The following PRDM16 variants were observed in gnomAD, a reference collection of about 807,000 sequenced individuals.
PRDM16 encodes PR/SET domain 16.
PRDM16 carries 23 observed loss-of-function variants against 110.6 expected under a neutral mutation model. That is an observed-to-expected ratio of 0.21 (90% CI 0.15 to 0.29). PRDM16 has a LOEUF of 0.29. PRDM16 is among the 10% of genes least tolerant of loss of function. The pLI is 1.00. For synonymous variants in PRDM16, 799 were observed against 781.8 expected, an observed-to-expected ratio of 1.02 and a Z score of -0.37; for missense variants, 1,615 against 1,794.3, an observed-to-expected ratio of 0.90 and a Z score of 1.81.
chr1:3,282,243 A>C (rs1210561165), intron 3 of PRDM16, among the ~76,000 whole-genome samples: 1 of 152,188 alleles, frequency 6.6e-6, no homozygotes, highest in Admixed American at 6.5e-5. Context: ...ACGTTTCCCC[A>C]GAGAGGTCAG....
At chr1:3,414,902 C>T (rs1643754680) in intron 10 of PRDM16, among the ~76,000 whole-genome samples, 1 of 152,174 alleles carries the variant, frequency 6.6e-6, no homozygotes, top group Non-Finnish European at 1.5e-5. Flanking sequence ...CTCTGGGCTC[C>T]AGGAGGGAGA....
At chr1:3,221,113 A>T (rs1234728051) in intron 2 of PRDM16, among the ~76,000 whole-genome samples, 1 of 152,180 alleles carries the variant, frequency 6.6e-6, no homozygotes, top group Non-Finnish European at 1.5e-5. Context: ...GGCCATGCCG[A>T]CACTGGCTTA....
chr1:3,125,969 G>A (rs1421912883), intron 1 of PRDM16, among the ~76,000 whole-genome samples: 1 of 152,242 alleles, frequency 6.6e-6, no homozygotes, highest in Non-Finnish European at 1.5e-5. Context: ...ATTAGCAAGA[G>A]GAATTAGCGT....
At chr1:3,137,257 C>T (rs374882326) in intron 1 of PRDM16, among the ~76,000 whole-genome samples, 12 of 152,204 alleles carry the variant, frequency 7.9e-5, no homozygotes, top group African/African-American at 2.9e-4. Context: ...CTCTTCTCCC[C>T]ACGCTGACCT....
At chr1:3,085,359 G>A (rs1304020393) in intron 1 of PRDM16, among the ~76,000 whole-genome samples, 1 of 152,224 alleles carries the variant, frequency 6.6e-6, no homozygotes, top group Non-Finnish European at 1.5e-5. Flanking sequence ...CAGGACCTGG[G>A]GGACTACAGG....
intron 2 of PRDM16, among the ~76,000 whole-genome samples, chr1:3,236,540 C>A (rs147251716): frequency 2.2e-3 from 328 of 152,326 alleles, no homozygotes; most frequent in African/African-American, 7.5e-3. Flanking sequence ...GCAAGCTGGG[C>A]GTGGCCATGG....
At chr1:3,387,709 G>A (rs1397484295) in intron 4 of PRDM16, among the ~76,000 whole-genome samples, 1 of 152,268 alleles carries the variant, frequency 6.6e-6, no homozygotes. Flanking sequence ...GGCACGGGGA[G>A]TGAGGTGGCT....
chr1:3,300,568 T>G (rs189014088), intron 3 of PRDM16, among the ~76,000 whole-genome samples: 1 of 152,324 alleles, frequency 6.6e-6, no homozygotes, highest in East Asian at 1.9e-4. Flanking sequence ...GGAGCACATC[T>G]CCTCCTCCAG....
intron 1 of PRDM16, among the ~76,000 whole-genome samples, chr1:3,075,785 C>G (rs936977156): frequency 6.6e-6 from 1 of 152,218 alleles, no homozygotes; most frequent in Non-Finnish European, 1.5e-5. Context: ...TGAAACGAAC[C>G]CGGTGAGGAG....
chr1:3,073,148 G>A (rs562755267), intron 1 of PRDM16, among the ~76,000 whole-genome samples: 3 of 152,314 alleles, frequency 2.0e-5, no homozygotes, highest in East Asian at 3.9e-4. Context: ...TAGGCAGTGC[G>A]CAGGGCAGGG....
intron 14 of PRDM16, among the ~76,000 whole-genome samples, chr1:3,430,339 G>A (rs1024861042): frequency 4.6e-5 from 7 of 152,318 alleles, no homozygotes; most frequent in East Asian, 3.9e-4. Context: ...CACAGGCTCC[G>A]AAGCAAGCTT....
In PRDM16 at chr1:3,206,595, G is replaced by GCA. The variant is rs1360808558; in HGVS notation, c.387+20127_387+20128dup. 2 of 152,246 alleles carry GCA rather than the reference G, an allele frequency of 1.3e-5. No individual in the cohort carries two copies. Among genetic ancestry groups the GCA allele is most frequent in the Admixed American group, 6.5e-5 (1 of 15,280 alleles). The allele number at this position is 152,246 out of a possible 1,614,324, so 9.4% of individuals were successfully genotyped here. ...CACGCATGCCTTCCCACGCTCCTGT[G>GCA]CACACACCCCTCCCGGCCCTTCCAT... On this transcript the variant is annotated intron_variant, in intron 2 of 16. Coordinates refer to ENST00000270722, the MANE Select transcript of PRDM16 (RefSeq NM_022114.4). This position sits in a 1 kb window ranked among gnomAD's most constrained non-coding sequence, Gnocchi z 4.9.
chr1:3,287,444 C>T (rs1342747929), intron 3 of PRDM16, among the ~76,000 whole-genome samples: 7 of 76,676 alleles, frequency 9.1e-5, no homozygotes, highest in African/African-American at 2.7e-4. Flanking sequence ...TTGCATTTAC[C>T]GGGGCTGGAG....
chr1:3,327,354 C>A (rs1641936523), intron 3 of PRDM16, among the ~76,000 whole-genome samples: 1 of 152,254 alleles, frequency 6.6e-6, no homozygotes, highest in South Asian at 2.1e-4. Flanking sequence ...TCTGCAGCAG[C>A]CCTCGGGGGG....
chr1:3,163,931 T>C (rs1643921165), intron 1 of PRDM16, among the ~76,000 whole-genome samples: 1 of 152,144 alleles, frequency 6.6e-6, no homozygotes. Context: ...ATGGATAACC[T>C]CACTTCATCT....
At position 3,221,806 on chromosome 1, in the gene PRDM16, G is replaced by A. The variant is rs116020406; in HGVS notation, c.388-22281G>A. Among the ~76,000 whole-genome samples, 726 of 152,338 alleles carry A rather than the reference G, an allele frequency of 4.8e-3. 2 individuals carry two copies. Among genetic ancestry groups the A allele is most frequent in the African/African-American group, 0.017 (688 of 41,572 alleles). ...GCACATGTACACACAAACACAGGTC[G>A]TGCATGCAAAACACATGTGCACACA... On this transcript the variant is annotated intron_variant, in intron 2 of 16. Transcript: ENST00000270722.
In PRDM16 at chr1:3,380,024, T is replaced by TCC. The variant is rs2100596177; in HGVS notation, c.439-5127_439-5126insCC. Among the ~76,000 whole-genome samples the TCC allele has an allele frequency of 1.9e-5, 2 of 104,432 alleles. 1 individual carries two copies. The highest frequency in any genetic ancestry group is 7.8e-5 in the African/African-American group (2 of 25,610). The allele number at this position is 104,432 out of a possible 152,430, so 68.5% of individuals were successfully genotyped here. A position where few individuals can be genotyped will look rare whatever the true frequency, so the allele number is the denominator to read the frequency against. ...AGCACACCCCTCCCAGTGCAATCCCTCACCATGCACCCCTCCCAACACATT... is the reference window on the plus strand; with the variant it reads ...AGCACACCCCTCCCAGTGCAATCCCTCCCACCATGCACCCCTCCCAACACATT... On this transcript the variant is annotated intron_variant, in intron 3 of 16. Coordinates refer to ENST00000270722, the MANE Select transcript of PRDM16 (RefSeq NM_022114.4).
intron 2 of PRDM16, among the ~76,000 whole-genome samples, chr1:3,235,768 C>T (rs1447268386): frequency 1.3e-5 from 2 of 152,160 alleles, no homozygotes; most frequent in East Asian, 1.9e-4. Flanking sequence ...GCCATGTAGA[C>T]CCCGGAAGCC....
intron 3 of PRDM16, among the ~76,000 whole-genome samples, chr1:3,280,982 C>A (rs540339498): frequency 1.7e-4 from 26 of 152,342 alleles, no homozygotes; most frequent in African/African-American, 5.8e-4. Flanking sequence ...GGCTGCCCAG[C>A]GAGGTTGGCT....
Sources: gnomAD v4.1 joint callset for allele counts (sites outside exome capture counted in the v4.1 genomes callset) on GRCh38, gnomAD v4.1.1 for gene constraint, Gnocchi (gnomAD v3.1) non-coding constraint, MANE v1.5 for transcripts, NCBI Gene and HGNC (gene_info 2026-07-23, HGNC 2026-07-21) for gene names.